The following KHDRBS2 variants were observed in gnomAD, a reference collection of about 807,000 sequenced individuals.
KHDRBS2 encodes the protein KH domain-containing, RNA-binding, signal transduction-associated protein 2.
KHDRBS2 carries 26 observed loss-of-function variants against 44.3 expected under a neutral mutation model. That is an observed-to-expected ratio of 0.59 (90% CI 0.43 to 0.81). KHDRBS2 has a LOEUF of 0.81. Among genes scored for constraint, KHDRBS2 ranks in the 40% least tolerant of loss-of-function variants. KHDRBS2 has a pLI of 0.00. For synonymous variants in KHDRBS2, 194 were observed against 151.1 expected (o/e 1.28, Z -2.08); for missense variants, 476 against 433.1 (o/e 1.10, Z -0.88).
chr6:62,081,301 A>T (rs1797344696), intron 2 of KHDRBS2, among the ~76,000 whole-genome samples: 1 of 152,166 alleles, frequency 6.6e-6, no homozygotes, highest in African/African-American at 2.4e-5. Context: ...TTCTTAAGTG[A>T]GATCAAATGT....
At chr6:61,612,098 A>G in the KHDRBS2 span, among the ~76,000 whole-genome samples, 88 of 151,482 alleles carry the variant, frequency 5.8e-4, no homozygotes, top group Middle Eastern at 3.4e-3. Context: ...AAAGTAAAGT[A>G]CTAGAAAAAA....
intron 2 of KHDRBS2, among the ~76,000 whole-genome samples, chr6:62,136,399 T>C (rs747589455): frequency 3.9e-5 from 6 of 152,196 alleles, no homozygotes; most frequent in Non-Finnish European, 8.8e-5. Context: ...GTTTCACTAA[T>C]TGATTCTCAA....
intron 6 of KHDRBS2, among the ~76,000 whole-genome samples, chr6:61,838,117 C>T (rs1382864489): frequency 1.3e-5 from 2 of 151,920 alleles, no homozygotes; most frequent in African/African-American, 4.8e-5. Context: ...GTGGATTTTT[C>T]CATAAGGATT....
At chr6:61,760,859 A>G (rs1562111908) in intron 6 of KHDRBS2, among the ~76,000 whole-genome samples, 1 of 152,218 alleles carries the variant, frequency 6.6e-6, no homozygotes, top group African/African-American at 2.4e-5. Context: ...TTATTCAATG[A>G]CACATTTGGA....
intron 4 of KHDRBS2, among the ~76,000 whole-genome samples, chr6:61,955,317 T>G (rs111209847): frequency 0.012 from 1,763 of 146,524 alleles, 51 homozygotes; most frequent in African/African-American, 0.041. Context: ...TATGTATACA[T>G]ATACGTGTAT....
Position 62,262,513 on chromosome 6 carries a change from AAAT to A in KHDRBS2, c.91+23342_91+23344del. On this transcript the variant is annotated intron_variant, in intron 1 of 8. Coordinates refer to ENST00000281156, the MANE Select transcript of KHDRBS2 (RefSeq NM_152688.4). ...AATACTCATATTAATCCATATCATGAAATAATAAAAGTAGAAATAAAGTTGGAA... is the reference window on the plus strand; with the variant it reads ...AATACTCATATTAATCCATATCATGAAATAAAAGTAGAAATAAAGTTGGAA... Among the ~76,000 whole-genome samples, 3 of 151,950 alleles carry A rather than the reference AAAT, an allele frequency of 2.0e-5. No individual in the cohort carries two copies. The Middle Eastern group carries it at 0.01, about 517-fold the overall frequency.
rs548173787 is a variant in KHDRBS2, at chr6:61,808,259, C to T, written c.811-75495G>A. Among the ~76,000 whole-genome samples the T allele has an allele frequency of 1.2e-4, 18 of 152,228 alleles. No homozygotes were observed. The East Asian group carries it at 3.5e-3, about 29-fold the overall frequency. ...AGAATTCATTTTCAAGGGACAATCA[C>T]ATTCAGTACCCAGTTCCTATGTATG... On this transcript the variant is annotated intron_variant, in intron 6 of 8. Transcript: ENST00000281156.
chr6:61,932,078 G>T (rs756918695), intron 4 of KHDRBS2, among the ~76,000 whole-genome samples: 1 of 152,046 alleles, frequency 6.6e-6, no homozygotes, highest in Non-Finnish European at 1.5e-5. Context: ...TTGTGTTTAT[G>T]TTATTGGTAA....
the KHDRBS2 span, among the ~76,000 whole-genome samples, chr6:61,598,665 C>T: frequency 6.6e-6 from 1 of 152,066 alleles, no homozygotes; most frequent in Non-Finnish European, 1.5e-5. Flanking sequence ...ATAAACGTTT[C>T]TTTCCTGACC....
At chr6:62,024,483 A>G (rs1304099609) in intron 3 of KHDRBS2, among the ~76,000 whole-genome samples, 1 of 151,596 alleles carries the variant, frequency 6.6e-6, no homozygotes. Flanking sequence ...AAGTTTTGTC[A>G]TATCTCACCC....
chr6:62,270,383 T>C (rs975628732), intron 1 of KHDRBS2, among the ~76,000 whole-genome samples: 4 of 137,782 alleles, frequency 2.9e-5, no homozygotes, highest in African/African-American at 1.1e-4. Flanking sequence ...TCCTCTTCCA[T>C]TTCTGCCATG....
intron 2 of KHDRBS2, among the ~76,000 whole-genome samples, chr6:62,086,084 T>C (rs532077333): frequency 5.9e-5 from 9 of 152,116 alleles, no homozygotes; most frequent in African/African-American, 2.2e-4. Flanking sequence ...CAACTGGATG[T>C]TTGAAAGAGT....
At chr6:61,557,889 T>C in the KHDRBS2 span, among the ~76,000 whole-genome samples, 1 of 152,162 alleles carries the variant, frequency 6.6e-6, no homozygotes, top group African/African-American at 2.4e-5. Flanking sequence ...TGTCTCGGAA[T>C]TTTTCCATTT....
At chr6:61,590,790 G>T in the KHDRBS2 span, among the ~76,000 whole-genome samples, 6 of 152,038 alleles carry the variant, frequency 3.9e-5, no homozygotes, top group African/African-American at 1.4e-4. Context: ...TTCATACTCT[G>T]GATATTTGGT....
At chr6:62,087,271 A>G (rs1562825086) in intron 2 of KHDRBS2, among the ~76,000 whole-genome samples, 2 of 152,118 alleles carry the variant, frequency 1.3e-5, no homozygotes, top group African/African-American at 4.8e-5. Context: ...GTTTTTCACG[A>G]TTCTAAACAA....
chr6:62,002,839 A>T (rs1004763668), intron 3 of KHDRBS2, among the ~76,000 whole-genome samples: 8 of 151,912 alleles, frequency 5.3e-5, no homozygotes, highest in African/African-American at 1.9e-4. Flanking sequence ...CATTATTGTT[A>T]TATCCTACAT....
At chr6:62,058,719 T>C (rs1410780021) in intron 2 of KHDRBS2, among the ~76,000 whole-genome samples, 1 of 151,832 alleles carries the variant, frequency 6.6e-6, no homozygotes, top group Admixed American at 6.6e-5. Flanking sequence ...TGCAAAAATA[T>C]CAAGCTATGC....
At chr6:61,631,305 C>CAAAAAAAA in the KHDRBS2 span, among the ~76,000 whole-genome samples, 83 of 66,994 alleles carry the variant, frequency 1.2e-3, 1 homozygote, top group African/African-American at 2.4e-3. Context: ...ACGAATAAGC[C>CAAAAAAAA]AAAAAAAAAA....
intron 1 of KHDRBS2, among the ~76,000 whole-genome samples, chr6:62,260,278 G>C (rs958566004): frequency 3.9e-5 from 6 of 152,010 alleles, no homozygotes; most frequent in African/African-American, 1.4e-4. Context: ...CTCAAATAAA[G>C]TATTAAGTGC....
Sources: gnomAD v4.1 joint callset for allele counts (sites outside exome capture counted in the v4.1 genomes callset) on GRCh38, gnomAD v4.1.1 for gene constraint, MANE v1.5 for transcripts, NCBI Gene and HGNC (gene_info 2026-07-23, HGNC 2026-07-21) for gene names.